The following CBLB variants were observed in gnomAD, a reference collection of about 807,000 sequenced individuals.
The protein encoded by CBLB is E3 ubiquitin-protein ligase CBL-B.
CBLB carries 31 observed loss-of-function variants against 104.9 expected under a neutral mutation model. That is an observed-to-expected ratio of 0.30 (90% CI 0.22 to 0.40). The LOEUF (loss-of-function observed/expected upper bound fraction) is 0.40. Among genes scored for constraint, CBLB ranks in the 10% least tolerant of loss-of-function variants. The pLI is 1.00. For synonymous variants in CBLB, 440 were observed against 422.6 expected (o/e 1.04, Z -0.51); for missense variants, 1,062 against 1,214.6 (o/e 0.87, Z 1.87).
At chr3:105,685,926 A>G (rs1251338089) in intron 13 of CBLB, among the ~76,000 whole-genome samples, 1 of 152,166 alleles carries the variant, frequency 6.6e-6, no homozygotes, top group Admixed American at 6.5e-5. Context: ...AATATTATCT[A>G]TAGTTGGAAA....
At position 105,702,466 on chromosome 3, in the gene CBLB, A is replaced by AAAAAC; in HGVS notation, c.1594-8_1594-7insGTTTT. On this transcript the variant is annotated splice_region_variant and splice_polypyrimidine_tract_variant and intron_variant, in intron 11 of 18. Transcript: ENST00000394030. Reference sequence around the variant, plus strand: ...TCACCATGCAAGGAGAAGACTAAAGAAACAGAAGAGAAAAAAAAAAAAAAA... The same window carrying AAAAAC: ...TCACCATGCAAGGAGAAGACTAAAGAAAAACAACAGAAGAGAAAAAAAAAAAAAAA... 6.8e-7 allele frequency: 1 copy of AAAAAC among 1,476,236 alleles called. No individual in the cohort carries two copies. The highest frequency in any genetic ancestry group is 9.2e-7 in the Non-Finnish European group (1 of 1,084,096). 91.4% of individuals were successfully genotyped at this position (1,476,236 alleles called of 1,614,324 possible).
chr3:105,777,115 G>A (rs2079572705), intron 3 of CBLB, among the ~76,000 whole-genome samples: 1 of 152,158 alleles, frequency 6.6e-6, no homozygotes, highest in Non-Finnish European at 1.5e-5. Context: ...CACAGTGAAA[G>A]CAGAGCAGAG....
At chr3:105,780,534 G>T (rs1052900730) in intron 3 of CBLB, among the ~76,000 whole-genome samples, 1 of 151,544 alleles carries the variant, frequency 6.6e-6, no homozygotes, top group African/African-American at 2.4e-5. Flanking sequence ...TTCGATATCA[G>T]TTCTTTCACT....
intron 3 of CBLB, among the ~76,000 whole-genome samples, chr3:105,847,790 C>A (rs377763628): frequency 6.6e-6 from 1 of 152,092 alleles, no homozygotes; most frequent in South Asian, 2.1e-4. Context: ...TTAATACACA[C>A]TTTTCAGAAG....
At chr3:105,680,799 G>A (rs759928939) in intron 16 of CBLB, among the ~76,000 whole-genome samples, 11 of 152,234 alleles carry the variant, frequency 7.2e-5, no homozygotes, top group Non-Finnish European at 1.2e-4. Flanking sequence ...GTTATGTAAG[G>A]TGTGCAGACA....
At chr3:105,678,610 C>T (rs1479757002) in intron 16 of CBLB, 39 bp from the exon 17 acceptor site, 1 of 1,591,440 alleles carries the variant, frequency 6.3e-7, no homozygotes, top group Admixed American at 1.7e-5. Context: ...AGCAGAACTT[C>T]ATTAATCAAA....
chr3:105,754,988 T>C lies in CBLB; in HGVS notation c.567-3370A>G, dbSNP rs115056208. Among the ~76,000 whole-genome samples the C allele has an allele frequency of 5.9e-3, 904 of 152,008 alleles. 11 individuals are homozygous for C. Among genetic ancestry groups the C allele is most frequent in the African/African-American group, 0.021 (858 of 41,456 alleles). On this transcript the variant is annotated intron_variant, in intron 4 of 18. Transcript: ENST00000394030. The stretch of plus-strand genomic sequence containing the variant: ...CTACCAAAAAACAATAGTAATCCTC[T>C]TTAAAGTCTTGAAAAACAGTATCTT...
intron 3 of CBLB, among the ~76,000 whole-genome samples, chr3:105,818,147 T>G (rs1436771551): frequency 2.6e-5 from 4 of 152,140 alleles, no homozygotes; most frequent in Non-Finnish European, 5.9e-5. Flanking sequence ...CCAAAGAAAC[T>G]TCTCAGAATG....
Position 105,734,072 on chromosome 3 carries a change from G to C in CBLB, c.1140C>G (p.Asp380Glu). The part of the protein sequence containing the change: ...FQLCKICAEN[D>E]KDVKIEPCGH... ...CACAAGGCTCAATCTTGACATCTTT[G>C]TCATTCTCTGCACAAATCTTACAGA... is the stretch of plus-strand genomic sequence containing the variant. Residue 380 changes from aspartate to glutamate, a missense_variant, in exon 9 of 19, where the codon GAC (aspartate) becomes GAG (glutamate). Physicochemically the swap from Asp to Glu is conservative, Grantham distance 45. Transcript: ENST00000394030. The C allele has an allele frequency of 6.2e-7, 1 of 1,613,730 alleles. No homozygotes were observed. The highest frequency in any genetic ancestry group is 1.3e-5 in the African/African-American group (1 of 75,050).
intron 3 of CBLB, among the ~76,000 whole-genome samples, chr3:105,805,864 G>A (rs773531900): frequency 6.6e-6 from 1 of 150,916 alleles, no homozygotes; most frequent in African/African-American, 2.4e-5. Flanking sequence ...TTATATTCAC[G>A]TATCTCCACT....
chr3:105,773,859 C>T (rs7649437), intron 4 of CBLB, among the ~76,000 whole-genome samples: 150,239 of 152,330 alleles, frequency 0.99, 74,128 homozygotes, highest in East Asian at 1. Flanking sequence ...AAACAGAATC[C>T]CCCAACAAAT....
intron 2 of CBLB, among the ~76,000 whole-genome samples, chr3:105,863,128 G>A (rs1417831875): frequency 6.6e-6 from 1 of 152,166 alleles, no homozygotes; most frequent in Non-Finnish European, 1.5e-5. Flanking sequence ...ATATTTAAAA[G>A]ACTACTAACT....
At chr3:105,859,533 T>C (rs538217845) in intron 2 of CBLB, among the ~76,000 whole-genome samples, 29 of 152,008 alleles carry the variant, frequency 1.9e-4, no homozygotes, top group African/African-American at 6.7e-4. Context: ...CAGGCGCCTG[T>C]AGTCCCAGGA....
intron 3 of CBLB, among the ~76,000 whole-genome samples, chr3:105,810,444 T>C (rs1376661256): frequency 6.6e-6 from 1 of 152,108 alleles, no homozygotes; most frequent in African/African-American, 2.4e-5. Context: ...ACACCACAGC[T>C]CACCAACTAG....
In CBLB at chr3:105,720,113, T is replaced by A. The variant is rs2305036; in HGVS notation, c.1341A>T (p.Leu447=). The A allele has an allele frequency of 1.2e-6, 2 of 1,613,722 alleles. No homozygotes were observed. Among genetic ancestry groups the A allele is most frequent in the Non-Finnish European group, 1.7e-6 (2 of 1,179,838 alleles). ...SIIDPFGMPM[L]DLDDDDDREE... ...CACGATCATCATCGTCGTCCAAGTCTAGCATCGGCATGCCAAAGGGGTCAA... is the reference window on the plus strand; with the variant it reads ...CACGATCATCATCGTCGTCCAAGTCAAGCATCGGCATGCCAAAGGGGTCAA... The change falls in exon 10 of 19, where the codon CTA becomes CTT. Residue 447 remains leucine (L), a synonymous_variant. Transcript: ENST00000394030.
chr3:105,830,948 T>C (rs545442727), intron 3 of CBLB, among the ~76,000 whole-genome samples: 50 of 152,336 alleles, frequency 3.3e-4, no homozygotes, highest in African/African-American at 1.2e-3. Flanking sequence ...GACACCAAAC[T>C]TCTAAGTGAC....
At chr3:105,714,029 C>G (rs959797616) in intron 10 of CBLB, among the ~76,000 whole-genome samples, 15 of 152,118 alleles carry the variant, frequency 9.9e-5, no homozygotes, top group Non-Finnish European at 2.1e-4. Flanking sequence ...TTCTGCATTT[C>G]GAATGTCTAT....
At chr3:105,814,608 G>C (rs2084763746) in intron 3 of CBLB, among the ~76,000 whole-genome samples, 2 of 8,858 alleles carry the variant, frequency 2.3e-4, no homozygotes, top group South Asian at 0.014. Flanking sequence ...AATCACTCTT[G>C]TGTCCATTCC....
chr3:105,692,601 C>T (rs2067848725), intron 13 of CBLB, among the ~76,000 whole-genome samples: 1 of 151,954 alleles, frequency 6.6e-6, no homozygotes, highest in African/African-American at 2.4e-5. Flanking sequence ...TATTAGGAAT[C>T]ACTAAAAAAT....
Sources: gnomAD v4.1 joint callset for allele counts (sites outside exome capture counted in the v4.1 genomes callset) on GRCh38, gnomAD v4.1.1 for gene constraint, MANE v1.5 for transcripts, NCBI Gene and HGNC (gene_info 2026-07-23, HGNC 2026-07-21) for gene names.